Variants in RSF1 observed in about 807,000 individuals in gnomAD.
The protein encoded by RSF1 is remodeling and spacing factor 1.
RSF1 carries 13 observed loss-of-function variants against 145.2 expected under a neutral mutation model. The ratio of observed to expected loss-of-function variants is 0.09; its 90% CI spans 0.06 to 0.14. The LOEUF is 0.14. Among genes scored for constraint, RSF1 ranks in the 10% least tolerant of loss-of-function variants. The pLI is 1.00. For missense variants in RSF1, 1,517 were observed against 1,718.2 expected, an observed-to-expected ratio of 0.88 and a Z score of 2.07; for synonymous variants, 577 against 592.6, an observed-to-expected ratio of 0.97 and a Z score of 0.38.
chr11:77,735,404 T>C (rs1961323489), intron 4 of RSF1, among the ~76,000 whole-genome samples: 2 of 152,140 alleles, frequency 1.3e-5, no homozygotes, highest in Non-Finnish European at 2.9e-5. Flanking sequence ...TGATGTTTAA[T>C]TTGCAAAGTT....
chr11:77,785,452 TGGTG>T, intron 1 of RSF1, among the ~76,000 whole-genome samples: 1 of 152,160 alleles, frequency 6.6e-6, no homozygotes, highest in East Asian at 1.9e-4. Flanking sequence ...TAGCCAGCCG[TGGTG>T]GCATACACCT....
chr11:77,717,006 T>C (rs1010907596), intron 5 of RSF1, among the ~76,000 whole-genome samples: 6 of 151,844 alleles, frequency 4.0e-5, no homozygotes, highest in South Asian at 2.1e-4. Flanking sequence ...AGTGAAACCC[T>C]ATCTCTACAG....
At chr11:77,798,795 G>C (rs1482729095) in intron 1 of RSF1, among the ~76,000 whole-genome samples, 1 of 151,286 alleles carries the variant, frequency 6.6e-6, no homozygotes, top group Non-Finnish European at 1.5e-5. Flanking sequence ...TGAACACATG[G>C]ACACAGGGAG....
intron 11 of RSF1, among the ~76,000 whole-genome samples, chr11:77,680,147 T>A (rs1959818744): frequency 6.6e-6 from 1 of 152,010 alleles, no homozygotes; most frequent in Non-Finnish European, 1.5e-5. Context: ...AACAACAGCA[T>A]CAAAACTAAA....
chr11:77,793,001 A>G (rs1259910489), intron 1 of RSF1, among the ~76,000 whole-genome samples: 1 of 152,226 alleles, frequency 6.6e-6, no homozygotes, highest in Non-Finnish European at 1.5e-5. Flanking sequence ...AGGACTCAAA[A>G]GGTACCACGA....
chr11:77,856,261 A>G, the RSF1 span, among the ~76,000 whole-genome samples: 2 of 152,198 alleles, frequency 1.3e-5, no homozygotes, highest in East Asian at 3.8e-4. Flanking sequence ...CTAGTTGCCA[A>G]TAAGTTCCTC....
At chr11:77,711,052 T>A (rs1040605911) in intron 5 of RSF1, among the ~76,000 whole-genome samples, 9 of 151,536 alleles carry the variant, frequency 5.9e-5, no homozygotes, top group Non-Finnish European at 1.2e-4. Context: ...TCACAGGTAC[T>A]GGGTTTACCA....
intron 5 of RSF1, among the ~76,000 whole-genome samples, chr11:77,710,573 C>G (rs2135865993): frequency 6.6e-6 from 1 of 152,262 alleles, no homozygotes; most frequent in East Asian, 1.9e-4. Flanking sequence ...TGTGAATCAT[C>G]ACTTCAACAT....
At chr11:77,814,611 A>C (rs745357723) in intron 1 of RSF1, among the ~76,000 whole-genome samples, 3 of 151,888 alleles carry the variant, frequency 2.0e-5, no homozygotes, top group African/African-American at 7.3e-5. Flanking sequence ...AGGTCTGACT[A>C]ATTTTTGTAT....
intron 6 of RSF1, 35 bp downstream of exon 6, chr11:77,700,686 C>A: frequency 6.8e-7 from 1 of 1,466,482 alleles, no homozygotes. Flanking sequence ...TATATAGAGA[C>A]AAATATTTTT....
chr11:77,839,871 G>T, the RSF1 span, among the ~76,000 whole-genome samples: 2 of 152,106 alleles, frequency 1.3e-5, no homozygotes, highest in East Asian at 3.9e-4. Flanking sequence ...TCCATGTGGG[G>T]CTTAATACCT....
chr11:77,702,178 T>A lies in RSF1; in HGVS notation c.1051A>T (p.Ile351Phe). The A allele has an allele frequency of 1.9e-6, 3 of 1,614,132 alleles. No individual in the cohort carries two copies. Among genetic ancestry groups the A allele is most frequent in the Non-Finnish European group, 2.5e-6 (3 of 1,179,998 alleles). The part of the protein sequence containing the change: ...EKPVAQEPER[I>F]EFGGNIKSSH... Reference sequence around the variant, plus strand: ...GATTTAATATTGCCACCAAATTCGATCCTTTCAGGCTCCTGTGCCACTGGC... The same window carrying A: ...GATTTAATATTGCCACCAAATTCGAACCTTTCAGGCTCCTGTGCCACTGGC... Residue 351 changes from isoleucine (I) to phenylalanine (F), a missense_variant, in exon 6 of 16, where the codon ATC becomes TTC. Physicochemically the swap from Ile to Phe is conservative, Grantham distance 21. Coordinates refer to ENST00000308488, the MANE Select transcript of RSF1 (RefSeq NM_016578.4).
At chr11:77,821,002 G>T (rs1208533124), upstream of RSF1, 1 of 490,246 alleles carries the variant, frequency 2.0e-6, no homozygotes, top group Non-Finnish European at 3.6e-6. Context: ...TCGTGTGACA[G>T]GGGGAATGAA....
chr11:77,816,931 G>C (rs913783816), intron 1 of RSF1, among the ~76,000 whole-genome samples: 10 of 152,282 alleles, frequency 6.6e-5, no homozygotes, highest in African/African-American at 2.4e-4. Context: ...GACAATTTCA[G>C]CATATATGTG....
At chr11:77,724,143 C>T (rs941542919) in intron 5 of RSF1, among the ~76,000 whole-genome samples, 3 of 152,082 alleles carry the variant, frequency 2.0e-5, no homozygotes, top group Non-Finnish European at 2.9e-5. Flanking sequence ...CCAATAAACA[C>T]TTGAAAAGAT....
At chr11:77,694,915 C>G (rs1338604342) in intron 7 of RSF1, among the ~76,000 whole-genome samples, 1 of 152,120 alleles carries the variant, frequency 6.6e-6, no homozygotes, top group Non-Finnish European at 1.5e-5. Context: ...TTGATGTTTA[C>G]TCATGATTAG....
intron 15 of RSF1, among the ~76,000 whole-genome samples, chr11:77,671,655 GAC>G (rs1565143165): frequency 7.5e-6 from 1 of 133,582 alleles, no homozygotes; most frequent in Non-Finnish European, 1.6e-5. Context: ...TTTTTTTTGA[GAC>G]ACAGTCTTGC....
At chr11:77,747,227 A>G in intron 2 of RSF1, 99 bp from the exon 3 acceptor site, 1 of 719,016 alleles carries the variant, frequency 1.4e-6, no homozygotes, top group Middle Eastern at 2.5e-4. Flanking sequence ...ATGTTTATAA[A>G]GGAAAGAGGT....
At chr11:77,819,933 G>C (rs1388880861) in intron 1 of RSF1, among the ~76,000 whole-genome samples, 1 of 152,082 alleles carries the variant, frequency 6.6e-6, no homozygotes, top group Non-Finnish European at 1.5e-5. Context: ...AGGGGTTAAA[G>C]CAGCCCTCGA....
Sources: allele counts gnomAD v4.1 joint callset (sites outside exome capture counted in the v4.1 genomes callset), GRCh38; gene constraint gnomAD v4.1.1; transcripts MANE v1.5; gene names NCBI Gene and HGNC (gene_info 2026-07-23, HGNC 2026-07-21).